ARHGEF10L: variants seen among roughly 807,000 people sequenced by gnomAD.
ARHGEF10L encodes the protein Rho guanine nucleotide exchange factor 10 like, also known as rho guanine nucleotide exchange factor 10-like protein.
ARHGEF10L carries 69 observed loss-of-function variants against 141.2 expected under a neutral mutation model. That is an observed-to-expected ratio of 0.49 (90% CI 0.40 to 0.60). The LOEUF (loss-of-function observed/expected upper bound fraction) is 0.60, where lower values mean the gene tolerates loss of function less well. ARHGEF10L is among the 20% of genes least tolerant of loss of function. The probability of loss-of-function intolerance (pLI) is 0.00; values close to 1 mark genes in which losing one functional copy is unlikely to be tolerated. For missense variants in ARHGEF10L, 1,482 were observed against 1,734.3 expected, an observed-to-expected ratio of 0.85 and a Z score of 2.58; for synonymous variants, 711 against 718.5, an observed-to-expected ratio of 0.99 and a Z score of 0.17.
intron 25 of ARHGEF10L, among the ~76,000 whole-genome samples, chr1:17,660,528 G>A (rs909567906): frequency 2.0e-5 from 3 of 152,182 alleles, no homozygotes; most frequent in South Asian, 2.1e-4. Context: ...CATCACAGTC[G>A]CTATTTACTG....
Position 17,611,933 on chromosome 1 carries a change from A to G in ARHGEF10L, c.610-1125A>G, listed in dbSNP as rs544721295. Among the ~76,000 whole-genome samples the G allele has an allele frequency of 2.0e-5, 3 of 152,188 alleles. No individual in the cohort carries two copies. In the East Asian group the frequency reaches 5.8e-4, roughly 30 times the overall value. ...GCTCATATGGTTCGTGCATTTGAAT[A>G]TCTATCTGTTCTTCTGTCCATCTAC... On this transcript the variant is annotated intron_variant, in intron 7 of 28. Coordinates refer to ENST00000361221, the MANE Select transcript of ARHGEF10L (RefSeq NM_018125.4).
intron 7 of ARHGEF10L, among the ~76,000 whole-genome samples, chr1:17,612,432 A>G (rs1180537320): frequency 6.6e-6 from 1 of 151,924 alleles, no homozygotes; most frequent in African/African-American, 2.4e-5. Flanking sequence ...TTGCTCATCC[A>G]TCTATTTATC....
intron 25 of ARHGEF10L, among the ~76,000 whole-genome samples, chr1:17,662,388 AT>A (rs1254745551): frequency 6.6e-6 from 1 of 152,188 alleles, no homozygotes; most frequent in Non-Finnish European, 1.5e-5. Flanking sequence ...CAGTGTGCAG[AT>A]AAGGGAAACT....
chr1:17,613,235 C>T, intron 8 of ARHGEF10L, 61 bp downstream of exon 8: 1 of 1,401,902 alleles, frequency 7.1e-7, no homozygotes, highest in Non-Finnish European at 1.0e-6. Context: ...CAGCTACCTC[C>T]AAGGGTTTTC....
the ARHGEF10L span, among the ~76,000 whole-genome samples, chr1:17,524,167 A>G: frequency 5.3e-5 from 8 of 151,882 alleles, no homozygotes; most frequent in Non-Finnish European, 1.2e-4. Flanking sequence ...CAGCTACTCA[A>G]GAGGCTGAGG....
chr1:17,682,835 T>C (rs1468939391), intron 26 of ARHGEF10L, among the ~76,000 whole-genome samples: 1 of 152,060 alleles, frequency 6.6e-6, no homozygotes, highest in African/African-American at 2.4e-5. Context: ...CTTCTGGGCC[T>C]CCCAGACCAG....
At chr1:17,517,310 G>A in the ARHGEF10L span, among the ~76,000 whole-genome samples, 3 of 152,138 alleles carry the variant, frequency 2.0e-5, no homozygotes, top group Admixed American at 6.6e-5. Context: ...ATGAAATTAT[G>A]TATGGAGAGG....
intron 25 of ARHGEF10L, among the ~76,000 whole-genome samples, chr1:17,658,075 T>A (rs976657787): frequency 6.6e-6 from 1 of 152,224 alleles, no homozygotes; most frequent in Admixed American, 6.5e-5. Flanking sequence ...CCCAGCTGCT[T>A]CAGGTGTTTC....
intron 26 of ARHGEF10L, among the ~76,000 whole-genome samples, chr1:17,687,215 A>G (rs1295993999): frequency 6.6e-6 from 1 of 152,166 alleles, no homozygotes; most frequent in Non-Finnish European, 1.5e-5. Flanking sequence ...CACTGGGACC[A>G]TGCCTGGTCC....
rs760302629 is a variant in ARHGEF10L, at chr1:17,656,725, A to G, written c.2860+17A>G. 7 of 1,604,140 alleles carry G rather than the reference A, an allele frequency of 4.4e-6. No individual in the cohort carries two copies. Among genetic ancestry groups the G allele is most frequent in the South Asian group, 3.3e-5 (3 of 90,092 alleles). The stretch of plus-strand genomic sequence containing the variant: ...GGACCAGCGGTGAGGACTGGGGGGA[A>G]TGGGGGAAGGGGGGCAGTCCTGGAT... On this transcript the variant is annotated intron_variant, in intron 25 of 28. Coordinates refer to ENST00000361221, the MANE Select transcript of ARHGEF10L (RefSeq NM_018125.4). The surrounding 1 kb of genome is among the most constrained non-coding windows in gnomAD (Gnocchi z 4.9).
chr1:17,645,192 A>G (rs1006393637), intron 21 of ARHGEF10L, among the ~76,000 whole-genome samples: 4 of 152,108 alleles, frequency 2.6e-5, no homozygotes, highest in Non-Finnish European at 5.9e-5. Flanking sequence ...GCCAGTTCTT[A>G]ATGTCACTTA....
intron 1 of ARHGEF10L, among the ~76,000 whole-genome samples, chr1:17,546,058 AG>A (rs2076902581): frequency 6.6e-6 from 1 of 152,200 alleles, no homozygotes; most frequent in African/African-American, 2.4e-5. Context: ...TCCTCAAGTC[AG>A]GAGGCACAGC....
At chr1:17,593,522 G>C (rs2079782375) in intron 4 of ARHGEF10L, among the ~76,000 whole-genome samples, 1 of 152,180 alleles carries the variant, frequency 6.6e-6, no homozygotes, top group African/African-American at 2.4e-5. Flanking sequence ...GTCAGAAAGA[G>C]GTGGGAAGAT....
intron 26 of ARHGEF10L, among the ~76,000 whole-genome samples, chr1:17,677,877 G>T (rs1041696481): frequency 6.6e-6 from 1 of 152,150 alleles, no homozygotes; most frequent in African/African-American, 2.4e-5. Context: ...CCCAGGCCAC[G>T]GTGAATGTCA....
chr1:17,529,487 C>A, the ARHGEF10L span, among the ~76,000 whole-genome samples: 1 of 152,232 alleles, frequency 6.6e-6, no homozygotes, highest in African/African-American at 2.4e-5. Context: ...CACACAGGTG[C>A]TGTGGATGCT....
At chr1:17,617,211 G>A (rs770809788) in intron 9 of ARHGEF10L, among the ~76,000 whole-genome samples, 25 of 152,234 alleles carry the variant, frequency 1.6e-4, no homozygotes, top group Non-Finnish European at 3.1e-4. Flanking sequence ...CCATTAGAGG[G>A]TTTTACGCAG....
intron 21 of ARHGEF10L, among the ~76,000 whole-genome samples, chr1:17,643,648 A>T (rs879306179): frequency 5.3e-5 from 8 of 152,050 alleles, no homozygotes; most frequent in Non-Finnish European, 1.0e-4. Context: ...CAGCAAACTA[A>T]CTCTGAGATG....
At chr1:17,690,988 A>G (rs1448394833) in intron 27 of ARHGEF10L, 1 of 324,546 alleles carries the variant, frequency 3.1e-6, no homozygotes, top group Non-Finnish European at 6.0e-6. Flanking sequence ...TTGTTCCTAC[A>G]CTAAGTGTGG....
intron 1 of ARHGEF10L, among the ~76,000 whole-genome samples, chr1:17,578,724 C>CA (rs1221169320): frequency 6.6e-6 from 1 of 152,040 alleles, no homozygotes; most frequent in Non-Finnish European, 1.5e-5. Flanking sequence ...TATACCCCCA[C>CA]AAAAAACACC....
Sources: gnomAD v4.1 joint callset for allele counts (sites outside exome capture counted in the v4.1 genomes callset) on GRCh38, gnomAD v4.1.1 for gene constraint, Gnocchi (gnomAD v3.1) non-coding constraint, MANE v1.5 for transcripts, NCBI Gene and HGNC (gene_info 2026-07-23, HGNC 2026-07-21) for gene names.